The following ATP2B3 variants were observed in gnomAD, a reference collection of about 807,000 sequenced individuals.
ATP2B3 encodes the protein ATPase plasma membrane Ca2+ transporting 3, also known as plasma membrane calcium-transporting ATPase 3.
A neutral mutation model predicts 70.8 loss-of-function variants in ATP2B3; 12 were observed. The observed-to-expected ratio is 0.17, with a 90% CI of 0.11 to 0.27. The LOEUF is 0.27. Among genes scored for constraint, ATP2B3 ranks in the 10% least tolerant of loss-of-function variants. The probability of loss-of-function intolerance (pLI) is 1.00; values close to 1 mark genes in which losing one functional copy is unlikely to be tolerated. For synonymous variants in ATP2B3, 460 were observed against 497.8 expected (o/e 0.92, Z 1.01); for missense variants, 858 against 1,118.5 (o/e 0.77, Z 3.32).
At chrX:153,573,088 C>T (rs781811468) in intron 21 of ATP2B3, among the ~76,000 whole-genome samples, 1 of 112,708 alleles carries the variant, frequency 8.9e-6, no homozygotes, top group African/African-American at 3.2e-5. Flanking sequence ...TGACCTGGCC[C>T]AGCAAAGGAG....
At chrX:153,530,930 G>A (rs2090107705) in intron 2 of ATP2B3, among the ~76,000 whole-genome samples, 1 of 112,587 alleles carries the variant, frequency 8.9e-6, no homozygotes, top group Non-Finnish European at 1.9e-5. Flanking sequence ...GGGCCCAGGA[G>A]CTGCAGCGAC....
At chrX:153,550,460 C>T (rs2090440272) in intron 12 of ATP2B3, among the ~76,000 whole-genome samples, 174 bp downstream of exon 12, 1 of 111,857 alleles carries the variant, frequency 8.9e-6, no homozygotes, top group Non-Finnish European at 1.9e-5. Flanking sequence ...AGTTCCAAAA[C>T]ACCTCCATCA....
intron 21 of ATP2B3, among the ~76,000 whole-genome samples, chrX:153,571,675 G>A (rs1242597586): frequency 1.8e-5 from 2 of 112,316 alleles, no homozygotes; most frequent in Non-Finnish European, 3.8e-5. Context: ...CCCCACCTCC[G>A]GAGCCTGGCA....
At chrX:153,551,979 T>C (rs371008126) in intron 12 of ATP2B3, among the ~76,000 whole-genome samples, 3 of 112,553 alleles carry the variant, frequency 2.7e-5, no homozygotes, top group East Asian at 5.6e-4. Context: ...TCCTGTGTTC[T>C]GCGGACTGGA....
intron 19 of ATP2B3, 36 bp from the exon 20 acceptor site, chrX:153,562,099 G>A (rs782102937): frequency 1.6e-4 from 188 of 1,176,632 alleles, no homozygotes; most frequent in Non-Finnish European, 2.1e-4. Context: ...CAGGAGCCGC[G>A]GCTGGACCTG....
chrX:153,551,903 G>A (rs2090462900), intron 12 of ATP2B3, among the ~76,000 whole-genome samples: 1 of 112,343 alleles, frequency 8.9e-6, no homozygotes, highest in Non-Finnish European at 1.9e-5. Context: ...TGCCGTCCCA[G>A]GGCCCTCAGG....
At chrX:153,552,056 G>A (rs1221715570) in intron 12 of ATP2B3, among the ~76,000 whole-genome samples, 1 of 112,551 alleles carries the variant, frequency 8.9e-6, no homozygotes, top group Non-Finnish European at 1.9e-5. Flanking sequence ...CAGGTGCAGC[G>A]CTCACTGCCA....
At position 153,560,700 on chromosome X, in the gene ATP2B3, G is replaced by A. The variant is rs1450158740; in HGVS notation, c.2864G>A (p.Ser955Asn). 8.2e-7 allele frequency: 1 copy of A among 1,212,129 alleles called. No individual in the cohort carries two copies. Among genetic ancestry groups the A allele is most frequent in the Non-Finnish European group, 1.1e-6 (1 of 895,581 alleles). ...FVGELFFDID[S>N]GRNAPLHSPP... ...GGGGAGCTCTTCTTCGACATCGACAGCGGGAGGAATGCGCCCCTGCACTCG... is the reference window on the plus strand; with the variant it reads ...GGGGAGCTCTTCTTCGACATCGACAACGGGAGGAATGCGCCCCTGCACTCG... Residue 955 changes from serine (S) to asparagine (N), a missense_variant, in exon 19 of 22, where the codon AGC becomes AAC. By Grantham distance (46) the Ser-to-Asn change is conservative. Coordinates refer to ENST00000263519, the MANE Select transcript of ATP2B3 (RefSeq NM_001001344.3).
At chrX:153,553,001 A>G in intron 12 of ATP2B3, 34 bp from the exon 13 acceptor site, 1 of 1,141,356 alleles carries the variant, frequency 8.8e-7, no homozygotes, top group African/African-American at 1.8e-5. Flanking sequence ...TTCTCTCCCC[A>G]CCTCCACCTC....
chrX:153,561,038 C>A, intron 19 of ATP2B3, 151 bp downstream of exon 19: 1 of 623,904 alleles, frequency 1.6e-6, no homozygotes. Flanking sequence ...TAGCCCCCGT[C>A]CTCTCTGCAT....
chrX:153,577,232 G>A (rs1220359723), intron 21 of ATP2B3, among the ~76,000 whole-genome samples: 1 of 113,194 alleles, frequency 8.8e-6, no homozygotes, highest in Non-Finnish European at 1.9e-5. Flanking sequence ...CGGAGGAGCA[G>A]TAGCAGCAGA....
intron 1 of ATP2B3, among the ~76,000 whole-genome samples, chrX:153,518,168 G>T (rs1262621879): frequency 4.4e-5 from 5 of 112,927 alleles, no homozygotes; most frequent in Non-Finnish European, 9.4e-5. Flanking sequence ...AAGGCCCTTG[G>T]GGGCTGCGGG....
At position 153,548,165 on chromosome X, in the gene ATP2B3, G is replaced by A. The variant is rs187259768; in HGVS notation, c.1123+166G>A. On this transcript the variant is annotated intron_variant, in intron 9 of 21. Transcript: ENST00000263519. Reference sequence around the variant, plus strand: ...AGGCCAGGCCGGCAGTGGCCATCAGGGCCTGGCGCAGCCCTTCCCTAGTGA... The same window carrying A: ...AGGCCAGGCCGGCAGTGGCCATCAGAGCCTGGCGCAGCCCTTCCCTAGTGA... Among the ~76,000 whole-genome samples the A allele has an allele frequency of 5.7e-3, 640 of 112,823 alleles. 5 individuals carry two copies. Among genetic ancestry groups the A allele is most frequent in the African/African-American group, 0.02 (621 of 31,127 alleles).
chrX:153,580,517 C>T lies in ATP2B3; in HGVS notation c.*219C>T, dbSNP rs369930654. ...GGCTCCTCATCCGGACTGAGGAAGA[C>T]GAGGACAGGGAGGAGGAAAAGGAGG... On this transcript the variant is annotated 3_prime_UTR_variant, in exon 22 of 22. Coordinates refer to ENST00000263519, the MANE Select transcript of ATP2B3 (RefSeq NM_001001344.3). 17 of 371,509 alleles carry T rather than the reference C, an allele frequency of 4.6e-5. No homozygotes were observed. Among genetic ancestry groups the T allele is most frequent in the Middle Eastern group, 6.8e-4 (1 of 1,470 alleles). The allele number at this position is 371,509 out of a possible 1,213,427, so 30.6% of individuals were successfully genotyped here.
rs138657610 is a variant in ATP2B3 at position 153,582,767 on chromosome X, A to T, written c.*2469A>T. 45 of 112,725 alleles carry T rather than the reference A, an allele frequency of 4.0e-4. No individual in the cohort carries two copies. The highest frequency in any genetic ancestry group is 1.4e-3 in the African/African-American group (44 of 30,957). The allele number at this position is 112,725 out of a possible 1,213,427, so 9.3% of individuals were successfully genotyped here. A position where few individuals can be genotyped will look rare whatever the true frequency, so the allele number is the denominator to read the frequency against. ...GGTCAACTGTGTTCAGTTCATAAAT[A>T]TGTTTTACATTTTTATCTGCCTGTT... On this transcript the variant is annotated 3_prime_UTR_variant, in exon 22 of 22. Coordinates refer to ENST00000263519, the MANE Select transcript of ATP2B3 (RefSeq NM_001001344.3).
At position 153,556,438 on chromosome X, in the gene ATP2B3, C is replaced by T. The variant is rs2269414; in HGVS notation, c.2326+20C>T. 0.084 allele frequency: 99,013 copies of T among 1,185,148 alleles called. 4,718 individuals are homozygous for T. The highest frequency in any genetic ancestry group is 0.35 in the African/African-American group (19,908 of 56,317). ...TCAAAGGTAGCCGAGCCCCCACACC[C>T]CTTTCCTGGGGTGGCCAGCCCGAGG... On this transcript the variant is annotated intron_variant, in intron 15 of 21. Transcript: ENST00000263519.
In ATP2B3 at chrX:153,547,909, C is replaced by T. The variant is rs1416640986; in HGVS notation, c.1033C>T (p.Arg345Trp). 11 of 1,210,595 alleles carry T rather than the reference C, an allele frequency of 9.1e-6. No individual in the cohort carries two copies. Among genetic ancestry groups the T allele is most frequent in the South Asian group, 1.8e-5 (1 of 56,767 alleles). The change falls in exon 9 of 22, where the codon CGG becomes TGG. Residue 345 changes from arginine to tryptophan, a missense_variant. Physicochemically the swap from Arg to Trp is moderately radical, Grantham distance 101 (BLOSUM62 -3). This residue lies in a region of ATP2B3 where 278 missense variants were observed against 366.2 expected (regional missense o/e 0.76). Coordinates refer to ENST00000263519, the MANE Select transcript of ATP2B3 (RefSeq NM_001001344.3). The part of the protein sequence containing the change: ...KSAEGGEMEE[R>W]EKKKANAPKK... ...CGCGGAGGGTGGGGAGATGGAGGAG[C>T]GGGAGAAGAAGAAAGCCAACGCACC...
At chrX:153,524,892 A>G (rs2090008692) in intron 2 of ATP2B3, among the ~76,000 whole-genome samples, 2 of 112,218 alleles carry the variant, frequency 1.8e-5, no homozygotes, top group Non-Finnish European at 3.8e-5. Flanking sequence ...GCACTGGGTG[A>G]TACATTCTCT....
intron 2 of ATP2B3, among the ~76,000 whole-genome samples, chrX:153,527,710 T>C (rs1276719838): frequency 1.8e-5 from 2 of 112,097 alleles, no homozygotes; most frequent in African/African-American, 6.5e-5. Context: ...TGGGGAAGCA[T>C]CCAGAGAGGC....
Sources: gnomAD v4.1 joint callset for allele counts (sites outside exome capture counted in the v4.1 genomes callset) on GRCh38, gnomAD v4.1.1 for gene constraint, gnomAD v4.1.1 regional missense constraint, MANE v1.5 for transcripts, NCBI Gene and HGNC (gene_info 2026-07-23, HGNC 2026-07-21) for gene names.